NAV2: variants seen among roughly 807,000 people sequenced by gnomAD.
NAV2 encodes neuron navigator 2, also known as helicase, APC down-regulated 1.
A neutral mutation model predicts 223.2 loss-of-function variants in NAV2; 54 were observed. The ratio of observed to expected loss-of-function variants is 0.24; its 90% CI spans 0.19 to 0.30. The LOEUF is 0.30. Among genes scored for constraint, NAV2 ranks in the 10% least tolerant of loss-of-function variants. The pLI is 1.00. For missense variants in NAV2, 2,806 were observed against 3,147.5 expected (o/e 0.89, Z 2.60); for synonymous variants, 1,279 against 1,239.3 (o/e 1.03, Z -0.67).
At chr11:19,490,927 T>C (rs35224384) in intron 1 of NAV2, among the ~76,000 whole-genome samples, 65,262 of 152,078 alleles carry the variant, frequency 0.43, 14,237 homozygotes, top group Middle Eastern at 0.55. Context: ...ATGGATGCTA[T>C]GTTAACAGGC....
chr11:19,998,179 T>TC lies in NAV2; in HGVS notation c.2768+13937dup. 6.6e-6 allele frequency among the ~76,000 whole-genome samples: 1 copy of TC among 151,978 alleles called. No homozygotes were observed. Among genetic ancestry groups the TC allele is most frequent in the East Asian group, 1.9e-4 (1 of 5,174 alleles). On this transcript the variant is annotated intron_variant, in intron 11 of 37. Coordinates refer to ENST00000349880, the MANE Select transcript of NAV2 (RefSeq NM_145117.5). This position sits in a 1 kb window ranked among gnomAD's most constrained non-coding sequence, Gnocchi z 5.0. ...GATAAGACTGACTGAAGAGTTTTCC[T>TC]CCCCCTTTTCCTTCCAGTCGGCAAA... is the stretch of plus-strand genomic sequence containing the variant.
chr11:19,829,133 T>C (rs776948753), intron 1 of NAV2, among the ~76,000 whole-genome samples: 5 of 152,228 alleles, frequency 3.3e-5, no homozygotes, highest in Non-Finnish European at 7.3e-5. Flanking sequence ...CTCATCCCAC[T>C]CAGCTGTGCC....
chr11:19,521,370 A>G (rs1407540868), intron 1 of NAV2, among the ~76,000 whole-genome samples: 1 of 152,204 alleles, frequency 6.6e-6, no homozygotes, highest in African/African-American at 2.4e-5. Context: ...CAGAGAGCCA[A>G]GCTTTGAGGA....
At chr11:20,105,921 G>T in intron 35 of NAV2, among the ~76,000 whole-genome samples, 194 bp downstream of exon 35, 1 of 150,078 alleles carries the variant, frequency 6.7e-6, no homozygotes, top group Non-Finnish European at 1.5e-5. Context: ...AGAGAGATGT[G>T]TCCAGCCTGG....
At chr11:19,733,755 A>G (rs1416000362) in intron 1 of NAV2, among the ~76,000 whole-genome samples, 2 of 152,278 alleles carry the variant, frequency 1.3e-5, no homozygotes, top group South Asian at 2.1e-4. Flanking sequence ...TAAGAGATTC[A>G]TATCAGGACA....
intron 1 of NAV2, among the ~76,000 whole-genome samples, chr11:19,423,849 T>C (rs1407592486): frequency 1.3e-5 from 2 of 152,194 alleles, no homozygotes; most frequent in Admixed American, 1.3e-4. Context: ...GCCTTTTTGC[T>C]TGGGACGGGC....
At chr11:20,050,344 A>G (rs1422099085) in intron 16 of NAV2, among the ~76,000 whole-genome samples, 1 of 151,850 alleles carries the variant, frequency 6.6e-6, no homozygotes, top group Non-Finnish European at 1.5e-5. Context: ...CCCTTTCAAA[A>G]TCCTTTGCTG....
intron 4 of NAV2, among the ~76,000 whole-genome samples, chr11:19,873,420 G>A (rs1565471436): frequency 6.6e-6 from 1 of 152,072 alleles, no homozygotes; most frequent in Non-Finnish European, 1.5e-5. Context: ...GAAGGTGAAA[G>A]GAAATCTAGA....
At chr11:19,370,746 C>T (rs1848440939) in intron 1 of NAV2, among the ~76,000 whole-genome samples, 1 of 152,210 alleles carries the variant, frequency 6.6e-6, no homozygotes, top group Admixed American at 6.5e-5. Context: ...AGACTCCCCA[C>T]CGTGCACAGA....
intron 11 of NAV2, among the ~76,000 whole-genome samples, chr11:19,994,646 T>C (rs2051692008): frequency 6.6e-6 from 1 of 152,100 alleles, no homozygotes; most frequent in East Asian, 1.9e-4. Context: ...AAGCCCAGAA[T>C]ATAAGGCACT....
intron 6 of NAV2, among the ~76,000 whole-genome samples, chr11:19,929,236 G>T (rs2045089938): frequency 6.6e-6 from 1 of 152,138 alleles, no homozygotes; most frequent in Non-Finnish European, 1.5e-5. Context: ...CTGGGTGACA[G>T]AGTGAGATTC....
At chr11:19,667,671 T>C (rs1185742621) in intron 1 of NAV2, among the ~76,000 whole-genome samples, 1 of 152,206 alleles carries the variant, frequency 6.6e-6, no homozygotes, top group Non-Finnish European at 1.5e-5. Flanking sequence ...AGTCAATGCA[T>C]AATCTCTGAG....
chr11:19,605,231 A>T (rs1261871970), intron 1 of NAV2, among the ~76,000 whole-genome samples: 6 of 152,088 alleles, frequency 3.9e-5, no homozygotes, highest in Non-Finnish European at 8.8e-5. Context: ...AAGAAAAAAT[A>T]CCCACAGCTG....
At chr11:19,908,077 G>A (rs574766081) in intron 6 of NAV2, among the ~76,000 whole-genome samples, 9 of 152,206 alleles carry the variant, frequency 5.9e-5, no homozygotes, top group Admixed American at 1.3e-4. Context: ...CTTGGCAACC[G>A]GAATGGCCAC....
chr11:19,877,352 A>G (rs1323582773), intron 4 of NAV2, among the ~76,000 whole-genome samples: 6 of 152,124 alleles, frequency 3.9e-5, no homozygotes, highest in African/African-American at 1.4e-4. Flanking sequence ...GATTTCATCT[A>G]TCCCCATAAT....
chr11:19,446,212 T>A (rs1851576582), intron 1 of NAV2, among the ~76,000 whole-genome samples: 1 of 152,182 alleles, frequency 6.6e-6, no homozygotes, highest in African/African-American at 2.4e-5. Flanking sequence ...TGGAACCAAG[T>A]AGCCTCGTTT....
rs758301673 is a variant in NAV2 at position 19,713,067 on chromosome 11, C to T, written c.-629C>T. Among the ~76,000 whole-genome samples, 15 of 152,158 alleles carry T rather than the reference C, an allele frequency of 9.9e-5. No individual in the cohort carries two copies. The highest frequency in any genetic ancestry group is 1.9e-4 in the Non-Finnish European group (13 of 68,030). Reference sequence around the variant, plus strand: ...CGGTGACTGTCACCCCAAGAGAGACCTTTCGGGGGCTCTTGCCGCACCTCT... The same window carrying T: ...CGGTGACTGTCACCCCAAGAGAGACTTTTCGGGGGCTCTTGCCGCACCTCT... On this transcript the variant is annotated 5_prime_UTR_variant, in exon 1 of 38. Coordinates refer to ENST00000349880, the MANE Select transcript of NAV2 (RefSeq NM_145117.5). The surrounding 1 kb of genome is among the most constrained non-coding windows in gnomAD (Gnocchi z 7.2).
chr11:20,093,075 G>A (rs1361101013), intron 28 of NAV2, 24 bp from the exon 29 acceptor site: 1 of 1,583,612 alleles, frequency 6.3e-7, no homozygotes, highest in Admixed American at 1.7e-5. Flanking sequence ...TGTGCCTAAG[G>A]CTGTTGATGT....
chr11:20,062,692 T>C (rs1165857810), intron 20 of NAV2, among the ~76,000 whole-genome samples: 1 of 152,182 alleles, frequency 6.6e-6, no homozygotes, highest in African/African-American at 2.4e-5. Flanking sequence ...TCAGTTTCTT[T>C]CTTTCTTTCT....
Sources: gnomAD v4.1 joint callset for allele counts (sites outside exome capture counted in the v4.1 genomes callset) on GRCh38, gnomAD v4.1.1 for gene constraint, Gnocchi (gnomAD v3.1) non-coding constraint, MANE v1.5 for transcripts, NCBI Gene and HGNC (gene_info 2026-07-23, HGNC 2026-07-21) for gene names.